Variants in GLDN observed in about 807,000 individuals in gnomAD.
The protein encoded by GLDN is gliomedin.
In GLDN, 47 loss-of-function variants were observed where a neutral mutation model predicts 56.5. The observed-to-expected ratio is 0.83, with a 90% CI of 0.66 to 1.06. The LOEUF is 1.06. Among genes scored for constraint, GLDN ranks in the 50% least tolerant of loss-of-function variants. The pLI is 0.00. For synonymous variants in GLDN, 332 were observed against 278.8 expected (o/e 1.19, Z -1.90); for missense variants, 782 against 714.3 (o/e 1.09, Z -1.08).
chr15:51,389,024 C>T (rs184203597), intron 4 of GLDN, among the ~76,000 whole-genome samples: 1 of 152,354 alleles, frequency 6.6e-6, no homozygotes, highest in African/African-American at 2.4e-5. Flanking sequence ...TTGTCCCTCT[C>T]ATTCCCTGCC....
At chr15:51,385,638 G>A (rs1437603774) in intron 4 of GLDN, 2 of 152,198 alleles carry the variant, frequency 1.3e-5, no homozygotes, top group Admixed American at 1.3e-4. Flanking sequence ...GGTTAGAGGT[G>A]GTACATTTAG....
Position 51,407,952 on chromosome 15 carries a change from T to C in GLDN, c.*3198T>C, listed in dbSNP as rs1243902680. The C allele has an allele frequency of 6.6e-6, 1 of 152,218 alleles. No homozygotes were observed. The highest frequency in any genetic ancestry group is 1.5e-5 in the Non-Finnish European group (1 of 68,040). 9.4% of individuals were successfully genotyped at this position (152,218 alleles called of 1,614,324 possible). On this transcript the variant is annotated 3_prime_UTR_variant, in exon 10 of 10. Transcript: ENST00000335449. ...ACAAATGAATAACGATGAATGTCTT[T>C]TTGGTTGTAATTTAACAAGTCAAAT...
chr15:51,356,725 G>A (rs1057425706), intron 1 of GLDN, among the ~76,000 whole-genome samples: 1 of 152,108 alleles, frequency 6.6e-6, no homozygotes, highest in East Asian at 1.9e-4. Context: ...TAAAAAGGTG[G>A]CGATAGCAGT....
chr15:51,350,982 G>C (rs1379342712), intron 1 of GLDN: 1 of 161,386 alleles, frequency 6.2e-6, no homozygotes, highest in Non-Finnish European at 1.3e-5. Context: ...TTTACAGACT[G>C]AGCAGGGTAG....
intron 1 of GLDN, among the ~76,000 whole-genome samples, chr15:51,357,699 C>A (rs150720113): frequency 6.6e-6 from 1 of 152,338 alleles, no homozygotes; most frequent in African/African-American, 2.4e-5. Flanking sequence ...CGGTTGAGAT[C>A]ATGGCACAGC....
intron 4 of GLDN, among the ~76,000 whole-genome samples, chr15:51,389,796 G>A (rs2037976462): frequency 6.6e-6 from 1 of 152,210 alleles, no homozygotes; most frequent in African/African-American, 2.4e-5. Flanking sequence ...CACAGGTTAT[G>A]AGGCTACCCC....
At chr15:51,373,882 C>T (rs1386655815) in intron 1 of GLDN, among the ~76,000 whole-genome samples, 1 of 152,188 alleles carries the variant, frequency 6.6e-6, no homozygotes, top group Non-Finnish European at 1.5e-5. Flanking sequence ...AATATGACTC[C>T]TTAATTTGAC....
intron 1 of GLDN, among the ~76,000 whole-genome samples, chr15:51,359,957 C>T (rs55926034): frequency 0.18 from 25,170 of 142,068 alleles, 2,611 homozygotes; most frequent in Admixed American, 0.26. Flanking sequence ...CCAGCCTGGG[C>T]GACATTGTGA....
chr15:51,382,736 A>AAAAG (rs1555404469), intron 2 of GLDN, among the ~76,000 whole-genome samples: 242 of 149,922 alleles, frequency 1.6e-3, no homozygotes, highest in African/African-American at 5.9e-3. Flanking sequence ...CAAAAAAAAA[A>AAAAG]AAAAGAAAAG....
intron 1 of GLDN, among the ~76,000 whole-genome samples, chr15:51,372,370 T>C (rs2141080493): frequency 6.6e-6 from 1 of 152,304 alleles, no homozygotes; most frequent in Non-Finnish European, 1.5e-5. Context: ...CGCCATGCAA[T>C]GTAATATGTC....
chr15:51,384,166 A>G (rs924162209), intron 4 of GLDN: 5 of 440,352 alleles, frequency 1.1e-5, no homozygotes, highest in Non-Finnish European at 1.2e-5. Context: ...AAGGAGCAGG[A>G]GCCCACAGCC....
At chr15:51,365,651 C>T (rs2037386410) in intron 1 of GLDN, among the ~76,000 whole-genome samples, 1 of 152,176 alleles carries the variant, frequency 6.6e-6, no homozygotes, top group Non-Finnish European at 1.5e-5. Context: ...ATGTCTGACT[C>T]CCAAGTCCAC....
chr15:51,394,941 G>C lies in GLDN; in HGVS notation c.648G>C (p.Lys216Asn). ...NEGPPGQKGE[K>N]GDKGDVSNDV... ...GCCCACCAGGGCAGAAGGGAGAAAAGGGTGACAAAGGAGATGTGTCCAACG... is the reference window on the plus strand; with the variant it reads ...GCCCACCAGGGCAGAAGGGAGAAAACGGTGACAAAGGAGATGTGTCCAACG... Residue 216 changes from lysine to asparagine, a missense_variant, in exon 5 of 10, where the codon AAG becomes AAC. Transcript: ENST00000335449. 6.2e-7 allele frequency: 1 copy of C among 1,610,976 alleles called. No homozygotes were observed.
chr15:51,404,502 T>C lies in GLDN; in HGVS notation c.1404T>C (p.Pro468=), dbSNP rs2038329653. ...TGCAACACGTCAATACCACGTACCC[T>C]AAATCCAAGGCTGGCAACGCCTTCA... ...SVVQHVNTTY[P]KSKAGNAFIA... The change falls in exon 10 of 10, where the codon CCT becomes CCC. Residue 468 remains proline (P), a synonymous_variant. Coordinates refer to ENST00000335449, the MANE Select transcript of GLDN (RefSeq NM_181789.4). 1.2e-6 allele frequency: 2 copies of C among 1,614,066 alleles called. No individual in the cohort carries two copies. Among genetic ancestry groups the C allele is most frequent in the Non-Finnish European group, 1.7e-6 (2 of 1,180,026 alleles).
intron 1 of GLDN, among the ~76,000 whole-genome samples, chr15:51,348,854 A>G (rs1011709956): frequency 1.3e-5 from 2 of 152,210 alleles, no homozygotes; most frequent in Non-Finnish European, 2.9e-5. Context: ...CTTTGAACCC[A>G]AAGGGCTTTA....
chr15:51,413,014 A>G, the GLDN span, among the ~76,000 whole-genome samples: 1 of 152,014 alleles, frequency 6.6e-6, no homozygotes, highest in Non-Finnish European at 1.5e-5. Context: ...CATGCAATGG[A>G]TATGCATTTA....
At position 51,394,914 on chromosome 15, in the gene GLDN, G is replaced by T. The variant is rs1248492941; in HGVS notation, c.621G>T (p.Glu207Asp). ...GTGAACTGGGCCTGCAGGGAAATGA[G>T]GGCCCACCAGGGCAGAAGGGAGAAA... ...DHGELGLQGN[E>D]GPPGQKGEKG... The change falls in exon 5 of 10, where the codon GAG becomes GAT. Residue 207 changes from glutamate to aspartate, a missense_variant. Transcript: ENST00000335449. 8.1e-6 allele frequency: 13 copies of T among 1,612,586 alleles called. No individual in the cohort carries two copies. The highest frequency in any genetic ancestry group is 1.1e-5 in the Non-Finnish European group (13 of 1,179,294).
chr15:51,386,179 G>A (rs908113339), intron 4 of GLDN, among the ~76,000 whole-genome samples: 2 of 152,156 alleles, frequency 1.3e-5, no homozygotes, highest in African/African-American at 4.8e-5. Flanking sequence ...GGCTTGCGGA[G>A]GTCAGCAGCA....
intron 5 of GLDN, among the ~76,000 whole-genome samples, chr15:51,396,554 A>G (rs1302258052): frequency 1.3e-5 from 2 of 152,252 alleles, no homozygotes; most frequent in African/African-American, 4.8e-5. Flanking sequence ...GATCACCTAT[A>G]TGATAAAAAT....
Sources: allele counts gnomAD v4.1 joint callset (sites outside exome capture counted in the v4.1 genomes callset), GRCh38; gene constraint gnomAD v4.1.1; transcripts MANE v1.5; gene names NCBI Gene and HGNC (gene_info 2026-07-23, HGNC 2026-07-21).